Variants in CD40 observed in about 807,000 individuals in gnomAD.
CD40 encodes tumor necrosis factor receptor superfamily member 5.
CD40 carries 19 observed loss-of-function variants against 38.5 expected under a neutral mutation model. That is an observed-to-expected ratio of 0.49 (90% CI 0.34 to 0.72). The LOEUF (loss-of-function observed/expected upper bound fraction) is 0.72. Ranked by LOEUF, CD40 falls within the 30% of genes least tolerant of loss-of-function variation. The pLI, the probability that CD40 is intolerant of heterozygous loss-of-function variation, is 0.01. For missense variants in CD40, 256 were observed against 344.1 expected (o/e 0.74, Z 2.03); for synonymous variants, 130 against 128.7 (o/e 1.01, Z -0.07).
Position 46,122,341 on chromosome 20 carries a change from A to G in CD40, c.239A>G (p.His80Arg), listed in dbSNP as rs376829285. The G allele has an allele frequency of 6.2e-7, 1 of 1,614,108 alleles. No individual in the cohort carries two copies. Among genetic ancestry groups the G allele is most frequent in the Non-Finnish European group, 8.5e-7 (1 of 1,180,056 alleles). The stretch of plus-strand genomic sequence containing the variant: ...AACAGAGAGACACACTGCCACCAGC[A>G]CAAATACTGCGACCCCAGTGCGTGC... ...TWNRETHCHQ[H>R]KYCDPNLGLR... The change falls in exon 3 of 9, where the codon CAC becomes CGC. Residue 80 changes from histidine (H) to arginine (R), a missense_variant. Transcript: ENST00000372285. This position sits in a 1 kb window ranked among gnomAD's most constrained non-coding sequence, Gnocchi z 5.0.
intron 1 of CD40, among the ~76,000 whole-genome samples, 185 bp downstream of exon 1, chr20:46,118,579 C>T (rs2145580777): frequency 6.6e-6 from 1 of 152,262 alleles, no homozygotes; most frequent in East Asian, 1.9e-4. Context: ...TTCTCCCGGG[C>T]TGGGGTCCCG....
intron 5 of CD40, among the ~76,000 whole-genome samples, chr20:46,123,950 T>A (rs1303842125): frequency 6.6e-6 from 1 of 152,246 alleles, no homozygotes; most frequent in Admixed American, 6.5e-5. Context: ...CTTGCAATCC[T>A]CTGAACACAC....
chr20:46,120,253 T>C (rs572063940), intron 1 of CD40, among the ~76,000 whole-genome samples: 1 of 152,386 alleles, frequency 6.6e-6, no homozygotes, highest in East Asian at 1.9e-4. Context: ...TTCCTGACAC[T>C]GTGCTAGGCC....
chr20:46,129,135 T>A lies in CD40; in HGVS notation c.*95T>A. Reference sequence around the variant, plus strand: ...CTGCTGTGGCGTGAGGGTGAGGGGCTGGCACTGACTGGGCATAGCTCCCCG... The same window carrying A: ...CTGCTGTGGCGTGAGGGTGAGGGGCAGGCACTGACTGGGCATAGCTCCCCG... On this transcript the variant is annotated 3_prime_UTR_variant, in exon 9 of 9. Transcript: ENST00000372285. 1 of 1,391,500 alleles carries A rather than the reference T, an allele frequency of 7.2e-7. No individual in the cohort carries two copies. Among genetic ancestry groups the A allele is most frequent in the Non-Finnish European group, 1.0e-6 (1 of 987,052 alleles). 86.2% of individuals were successfully genotyped at this position (1,391,500 alleles called of 1,614,324 possible).
Position 46,128,983 on chromosome 20 carries a change from A to T in CD40, c.777A>T (p.Gln259His). The change falls in exon 9 of 9, where the codon CAA (glutamine) becomes CAT (histidine). Residue 259 changes from glutamine (Q) to histidine (H), a missense_variant. Gln to His is a conservative substitution (Grantham distance 24). Transcript: ENST00000372285. ...APVQETLHGC[Q>H]PVTQEDGKES... Reference sequence around the variant, plus strand: ...TGCAGGAGACTTTACATGGATGCCAACCGGTCACCCAGGAGGATGGCAAAG... The same window carrying T: ...TGCAGGAGACTTTACATGGATGCCATCCGGTCACCCAGGAGGATGGCAAAG... The T allele has an allele frequency of 1.2e-6, 2 of 1,614,190 alleles. No homozygotes were observed. The highest frequency in any genetic ancestry group is 1.7e-6 in the Non-Finnish European group (2 of 1,180,014).
At chr20:46,126,592 C>CTT in intron 5 of CD40, 48 bp from the exon 6 acceptor site, 1 of 1,612,388 alleles carries the variant, frequency 6.2e-7, no homozygotes, top group Non-Finnish European at 8.5e-7. Flanking sequence ...AACTTAATAT[C>CTT]TCTTTCTTTC....
rs768187312 is a variant in CD40, at chr20:46,118,363, A to C, written c.20A>C (p.Gln7Pro). Residue 7 changes from glutamine (Q) to proline (P), a missense_variant, in exon 1 of 9, where the codon CAG becomes CCG. Gln to Pro is a moderately conservative substitution (Grantham distance 76). Transcript: ENST00000372285. The stretch of plus-strand genomic sequence containing the variant: ...CTCGCTATGGTTCGTCTGCCTCTGC[A>C]GTGCGTCCTCTGGGGCTGCTTGCTG... MVRLPLQCVLWGCLLTA... is the reference protein window; with the variant it reads MVRLPLPCVLWGCLLTA... 6.2e-7 allele frequency: 1 copy of C among 1,614,132 alleles called. No individual in the cohort carries two copies. Among genetic ancestry groups the C allele is most frequent in the East Asian group, 2.2e-5 (1 of 44,874 alleles).
chr20:46,123,437 C>T (rs1364843448), intron 5 of CD40, among the ~76,000 whole-genome samples: 4 of 152,220 alleles, frequency 2.6e-5, no homozygotes, highest in Admixed American at 6.5e-5. Context: ...GTTGATCTCT[C>T]GCTTCATGAG....
At chr20:46,126,781 G>A (rs970124630) in intron 6 of CD40, 80 bp downstream of exon 6, 42 of 1,611,118 alleles carry the variant, frequency 2.6e-5, no homozygotes, top group Non-Finnish European at 3.3e-5. Context: ...CAGGAACACT[G>A]GATGGGAAAA....
At chr20:46,119,482 G>A (rs2085276031) in intron 1 of CD40, among the ~76,000 whole-genome samples, 1 of 152,160 alleles carries the variant, frequency 6.6e-6, no homozygotes, top group Non-Finnish European at 1.5e-5. Flanking sequence ...GAGGTAAAGG[G>A]GGGCCCTTGT....
chr20:46,127,080 C>T (rs1400053009), intron 6 of CD40: 3 of 307,604 alleles, frequency 9.8e-6, no homozygotes, highest in Non-Finnish European at 1.9e-5. Context: ...TACATGTATA[C>T]ATATGTAACA....
intron 5 of CD40, among the ~76,000 whole-genome samples, chr20:46,124,325 C>G (rs549315981): frequency 1.3e-5 from 2 of 152,284 alleles, no homozygotes; most frequent in African/African-American, 4.8e-5. Flanking sequence ...GCCCCATTAA[C>G]TTTTTGCATT....
At position 46,118,329 on chromosome 20, in the gene CD40, T is replaced by A. The variant is rs1180487235; in HGVS notation, c.-15T>A. 6.2e-7 allele frequency: 1 copy of A among 1,613,378 alleles called. No individual in the cohort carries two copies. The highest frequency in any genetic ancestry group is 8.5e-7 in the Non-Finnish European group (1 of 1,179,764). On this transcript the variant is annotated 5_prime_UTR_variant, in exon 1 of 9. Coordinates refer to ENST00000372285, the MANE Select transcript of CD40 (RefSeq NM_001250.6). ...TCGGGCGCCCAGTGGTCCTGCCGCCTGGTCTCACCTCGCTATGGTTCGTCT... is the reference window on the plus strand; with the variant it reads ...TCGGGCGCCCAGTGGTCCTGCCGCCAGGTCTCACCTCGCTATGGTTCGTCT...
chr20:46,120,682 C>T (rs2085300134), intron 1 of CD40, among the ~76,000 whole-genome samples: 1 of 152,318 alleles, frequency 6.6e-6, no homozygotes, highest in East Asian at 1.9e-4. Flanking sequence ...TGTTTTGTTT[C>T]CCCAGAATTT....
intron 5 of CD40, 111 bp downstream of exon 5, chr20:46,123,330 G>A: frequency 2.2e-6 from 2 of 889,498 alleles, no homozygotes; most frequent in South Asian, 1.3e-5. Context: ...ACACACTCAT[G>A]TACTTGTGAA....
chr20:46,118,390 C>T lies in CD40; in HGVS notation c.47C>T (p.Thr16Ile). Reference sequence around the variant, plus strand: ...TGCGTCCTCTGGGGCTGCTTGCTGACCGCTGTGAGTTGTTTTTGCCCCGAC... The same window carrying T: ...TGCGTCCTCTGGGGCTGCTTGCTGATCGCTGTGAGTTGTTTTTGCCCCGAC... ...LQCVLWGCLLTAVHPEPPTAC... is the reference protein window; with the variant it reads ...LQCVLWGCLLIAVHPEPPTAC... The change falls in exon 1 of 9, where the codon ACC becomes ATC. Residue 16 changes from threonine (T) to isoleucine (I), a missense_variant. Thr to Ile is a moderately conservative substitution (Grantham distance 89). Transcript: ENST00000372285. 6.2e-7 allele frequency: 1 copy of T among 1,614,088 alleles called. No homozygotes were observed. Among genetic ancestry groups the T allele is most frequent in the Non-Finnish European group, 8.5e-7 (1 of 1,179,952 alleles).
chr20:46,128,045 T>G (rs527397980), intron 6 of CD40, 93 bp from the exon 7 acceptor site: 1 of 1,609,912 alleles, frequency 6.2e-7, no homozygotes, highest in African/African-American at 1.3e-5. Flanking sequence ...AGCTCTGACA[T>G]TGGAAGATTC....
intron 6 of CD40, chr20:46,127,403 T>C (rs548298460): frequency 1.3e-4 from 20 of 155,350 alleles, no homozygotes; most frequent in African/African-American, 4.6e-4. Flanking sequence ...TGTGTTTGCA[T>C]GACCCTGCCT....
At chr20:46,125,347 C>A (rs1362286784) in intron 5 of CD40, among the ~76,000 whole-genome samples, 1 of 151,238 alleles carries the variant, frequency 6.6e-6, no homozygotes, top group East Asian at 2.0e-4. Context: ...AGATCGAGAC[C>A]ATCCTGGCTA....
Sources: allele counts gnomAD v4.1 joint callset (sites outside exome capture counted in the v4.1 genomes callset), GRCh38; gene constraint gnomAD v4.1.1; non-coding constraint Gnocchi (gnomAD v3.1); transcripts MANE v1.5; gene names NCBI Gene and HGNC (gene_info 2026-07-23, HGNC 2026-07-21).